NKAIN1: variants seen among roughly 807,000 people sequenced by gnomAD.
NKAIN1 encodes the protein sodium/potassium-transporting ATPase subunit beta-1-interacting protein 1.
NKAIN1 carries 13 observed loss-of-function variants against 31.6 expected under a neutral mutation model. The ratio of observed to expected loss-of-function variants is 0.41; its 90% confidence interval spans 0.27 to 0.65. NKAIN1 has a LOEUF of 0.65. Ranked by LOEUF, NKAIN1 falls within the 30% of genes least tolerant of loss-of-function variation. NKAIN1 has a pLI of 0.30. For synonymous variants in NKAIN1, 104 were observed against 109.0 expected (o/e 0.95, Z 0.28); for missense variants, 193 against 262.2 (o/e 0.74, Z 1.82).
intron 1 of NKAIN1, among the ~76,000 whole-genome samples, chr1:31,192,216 A>T (rs1206961735): frequency 6.6e-6 from 1 of 152,196 alleles, no homozygotes; most frequent in Non-Finnish European, 1.5e-5. Context: ...TCCCATTCTC[A>T]GCATGGCTCT....
chr1:31,192,303 C>T (rs193245600), intron 1 of NKAIN1, among the ~76,000 whole-genome samples: 144 of 152,294 alleles, frequency 9.5e-4, no homozygotes, highest in African/African-American at 3.2e-3. Flanking sequence ...ATCCATCCAT[C>T]CCACATCTGA....
At chr1:31,196,674 C>A (rs1388214721) in intron 1 of NKAIN1, among the ~76,000 whole-genome samples, 1 of 151,166 alleles carries the variant, frequency 6.6e-6, no homozygotes, top group Non-Finnish European at 1.5e-5. Flanking sequence ...CCAGCCTGGG[C>A]GACAGAGTGA....
intron 1 of NKAIN1, among the ~76,000 whole-genome samples, chr1:31,232,522 C>T (rs1261990863): frequency 6.8e-6 from 1 of 146,254 alleles, no homozygotes; most frequent in Non-Finnish European, 1.5e-5. Flanking sequence ...CTCCTGGGCT[C>T]AAGCGATCCT....
chr1:31,209,643 CCT>C (rs2148358650), intron 1 of NKAIN1, among the ~76,000 whole-genome samples: 1 of 151,830 alleles, frequency 6.6e-6, no homozygotes, highest in African/African-American at 2.4e-5. Flanking sequence ...TAGTAAGACC[CCT>C]GTCTCTACAA....
chr1:31,226,667 G>A (rs531754840), intron 1 of NKAIN1, among the ~76,000 whole-genome samples: 2 of 152,040 alleles, frequency 1.3e-5, no homozygotes, highest in East Asian at 3.9e-4. Context: ...TGGGATTACA[G>A]GCGTGCACCA....
chr1:31,200,458 CTTTTTT>C (rs3081712), intron 1 of NKAIN1, among the ~76,000 whole-genome samples: 1 of 121,884 alleles, frequency 8.2e-6, no homozygotes, highest in Non-Finnish European at 1.6e-5. Flanking sequence ...TCTCCTCTCT[CTTTTTT>C]TTTTTTTTTT....
chr1:31,209,686 G>A (rs1276650584), intron 1 of NKAIN1, among the ~76,000 whole-genome samples: 1 of 152,040 alleles, frequency 6.6e-6, no homozygotes, highest in Non-Finnish European at 1.5e-5. Flanking sequence ...ACATAGTGGT[G>A]TATGCCTGTA....
chr1:31,218,059 TCTTTC>T (rs1645530212), intron 1 of NKAIN1, among the ~76,000 whole-genome samples: 2 of 144,114 alleles, frequency 1.4e-5, no homozygotes, highest in African/African-American at 5.2e-5. Context: ...TTTCTTTCTT[TCTTTC>T]TTTCTTTTTT....
At chr1:31,232,424 T>TATATATATATATAGAGAG (rs1313157898) in intron 1 of NKAIN1, among the ~76,000 whole-genome samples, 5 of 16,922 alleles carry the variant, frequency 3.0e-4, no homozygotes, top group Non-Finnish European at 4.6e-4. Flanking sequence ...TATATATATA[T>TATATATATATATAGAGAG]AGAGAGAGAG....
intron 1 of NKAIN1, among the ~76,000 whole-genome samples, chr1:31,202,178 C>A (rs1209861169): frequency 1.3e-5 from 2 of 152,194 alleles, no homozygotes; most frequent in Non-Finnish European, 2.9e-5. Flanking sequence ...ATCTCAGTGA[C>A]CACTGACCCA....
chr1:31,197,230 G>C (rs1233606914), intron 1 of NKAIN1, among the ~76,000 whole-genome samples: 3 of 150,520 alleles, frequency 2.0e-5, no homozygotes, highest in Non-Finnish European at 1.5e-5. Context: ...TCCTGCCTCA[G>C]CCTCCCGAGT....
rs754860679 is a variant in NKAIN1 at position 31,197,545 on chromosome 1, C to CTT, written c.55-9360_55-9359dup. Among the ~76,000 whole-genome samples the CTT allele has an allele frequency of 1.1e-3, 117 of 111,392 alleles. 2 individuals are homozygous for CTT. Among genetic ancestry groups the CTT allele is most frequent in the African/African-American group, 3.7e-3 (108 of 29,370 alleles). The allele number at this position is 111,392 out of a possible 152,430, so 73.1% of individuals were successfully genotyped here. A position where few individuals can be genotyped will look rare whatever the true frequency, so the allele number is the denominator to read the frequency against. Reference sequence around the variant, plus strand: ...ACAGGCATGAGCCACCGTGCCCGGCCTTTTTTTTTTTTTTTCCCTGAGATG... The same window carrying CTT: ...ACAGGCATGAGCCACCGTGCCCGGCCTTTTTTTTTTTTTTTTTCCCTGAGATG... On this transcript the variant is annotated intron_variant, in intron 1 of 6. Transcript: ENST00000373736.
chr1:31,231,464 G>A (rs1412664696), intron 1 of NKAIN1, among the ~76,000 whole-genome samples: 1 of 150,982 alleles, frequency 6.6e-6, no homozygotes, highest in African/African-American at 2.4e-5. Flanking sequence ...GTGACCCACA[G>A]TGCCCAACCT....
At chr1:31,205,297 A>T (rs1032902892) in intron 1 of NKAIN1, among the ~76,000 whole-genome samples, 2 of 149,936 alleles carry the variant, frequency 1.3e-5, no homozygotes, top group African/African-American at 5.0e-5. Context: ...CACCCAGCTA[A>T]TTTTTTGTTT....
In NKAIN1 at chr1:31,180,186, C is replaced by T. The variant is rs1479435156; in HGVS notation, c.*1517G>A. On this transcript the variant is annotated 3_prime_UTR_variant, in exon 7 of 7. Coordinates refer to ENST00000373736, the MANE Select transcript of NKAIN1 (RefSeq NM_024522.3). ...AGTGGGAGAGGAGCGGAATGGTCAC[C>T]ACAGACAGGCTCAGGTGTGCAAACC... The T allele has an allele frequency of 6.6e-6, 1 of 152,290 alleles. No individual in the cohort carries two copies. Among genetic ancestry groups the T allele is most frequent in the Non-Finnish European group, 1.5e-5 (1 of 68,142 alleles). The allele number at this position is 152,290 out of a possible 1,614,324, so 9.4% of individuals were successfully genotyped here.
intron 2 of NKAIN1, among the ~76,000 whole-genome samples, chr1:31,186,937 G>A (rs556034532): frequency 6.6e-6 from 1 of 152,332 alleles, no homozygotes; most frequent in South Asian, 2.1e-4. Context: ...TAGTGAGCTG[G>A]AGAGGAGGTT....
intron 1 of NKAIN1, among the ~76,000 whole-genome samples, chr1:31,193,079 A>AT (rs1557651455): frequency 1.4e-5 from 2 of 143,642 alleles, no homozygotes; most frequent in African/African-American, 2.5e-5. Flanking sequence ...TTATTTTTTT[A>AT]TTTTTTTGAG....
chr1:31,191,915 A>G (rs1360424905), intron 1 of NKAIN1, among the ~76,000 whole-genome samples: 1 of 152,182 alleles, frequency 6.6e-6, no homozygotes, highest in Non-Finnish European at 1.5e-5. Flanking sequence ...AGCTGGGACT[A>G]CAGGCATGTG....
chr1:31,193,493 G>A (rs952614740), intron 1 of NKAIN1, among the ~76,000 whole-genome samples: 1 of 151,954 alleles, frequency 6.6e-6, no homozygotes, highest in Non-Finnish European at 1.5e-5. Flanking sequence ...TCAGGAGTTC[G>A]AGATCAGCCT....
Sources: allele counts gnomAD v4.1 joint callset (sites outside exome capture counted in the v4.1 genomes callset), GRCh38; gene constraint gnomAD v4.1.1; transcripts MANE v1.5; gene names NCBI Gene and HGNC (gene_info 2026-07-23, HGNC 2026-07-21).